Variants in LDLRAD3 observed in about 807,000 individuals in gnomAD.
The protein encoded by LDLRAD3 is low-density lipoprotein receptor class A domain-containing protein 3.
A neutral mutation model predicts 29.4 loss-of-function variants in LDLRAD3; 20 were observed. The ratio of observed to expected loss-of-function variants is 0.68; its 90% confidence interval spans 0.48 to 0.99. LDLRAD3 has a LOEUF of 0.99. Ranked by LOEUF, LDLRAD3 falls within the 50% of genes least tolerant of loss-of-function variation. LDLRAD3 has a pLI of 0.00. For synonymous variants in LDLRAD3, 157 were observed against 192.7 expected (o/e 0.81, Z 1.53); for missense variants, 420 against 454.3 (o/e 0.92, Z 0.69).
chr11:36,007,422 A>G (rs1195647977), intron 1 of LDLRAD3, among the ~76,000 whole-genome samples: 1 of 152,172 alleles, frequency 6.6e-6, no homozygotes, highest in Non-Finnish European at 1.5e-5. Context: ...TAAGTAAATT[A>G]GAACCTGCTT....
Position 36,229,180 on chromosome 11 carries a change from C to T in LDLRAD3, c.821C>T (p.Pro274Leu), listed in dbSNP as rs969660023. 5 of 1,613,986 alleles carry T rather than the reference C, an allele frequency of 3.1e-6. No individual in the cohort carries two copies. The African/African-American group carries it at 5.3e-5, about 17-fold the overall frequency. ...CACAGGCCTGCGTGGTATGACCTTC[C>T]TCCACCGCCCTACTCTTCTGACACG... ...LDQRPAWYDLPPPPYSSDTES... is the reference protein window; with the variant it reads ...LDQRPAWYDLLPPPYSSDTES... The change falls in exon 6 of 6, where the codon CCT becomes CTT. Residue 274 changes from proline to leucine, a missense_variant. Transcript: ENST00000315571.
At chr11:36,156,152 A>C (rs1376379091) in intron 4 of LDLRAD3, among the ~76,000 whole-genome samples, 2 of 152,200 alleles carry the variant, frequency 1.3e-5, no homozygotes, top group Non-Finnish European at 2.9e-5. Context: ...AGAAGAACGT[A>C]CTGAGTGGAA....
chr11:36,202,044 C>CTTT (rs11336380), intron 4 of LDLRAD3, among the ~76,000 whole-genome samples: 22 of 136,586 alleles, frequency 1.6e-4, no homozygotes, highest in Admixed American at 6.0e-4. Flanking sequence ...CTGGGGACAT[C>CTTT]TTTTTTTTTT....
At chr11:36,096,169 C>G (rs1376587841) in intron 3 of LDLRAD3, among the ~76,000 whole-genome samples, 1 of 152,208 alleles carries the variant, frequency 6.6e-6, no homozygotes, top group East Asian at 1.9e-4. Context: ...ACCTCTCTGA[C>G]CTTTCAAATC....
chr11:35,996,938 G>A (rs1565150861), intron 1 of LDLRAD3, among the ~76,000 whole-genome samples: 1 of 152,132 alleles, frequency 6.6e-6, no homozygotes, highest in Admixed American at 6.5e-5. Flanking sequence ...GCAGCTTTGG[G>A]AATGGGTTAA....
intron 4 of LDLRAD3, among the ~76,000 whole-genome samples, chr11:36,130,761 A>G (rs540743460): frequency 1.4e-4 from 22 of 152,260 alleles, no homozygotes; most frequent in South Asian, 2.1e-4. Context: ...AGCTATTATC[A>G]TCATCCCCAC....
chr11:36,043,914 C>T (rs1162019709), intron 2 of LDLRAD3, among the ~76,000 whole-genome samples: 3 of 152,180 alleles, frequency 2.0e-5, no homozygotes, highest in Non-Finnish European at 4.4e-5. Context: ...TGCTCTTTCA[C>T]AGCGCTTACG....
rs79081479 is a variant in LDLRAD3 at position 35,998,996 on chromosome 11, A to G, written c.47-37107A>G. 1.1e-3 allele frequency among the ~76,000 whole-genome samples: 172 copies of G among 152,134 alleles called. 1 individual carries two copies. In the East Asian group the frequency reaches 0.019, roughly 17 times the overall value. Reference sequence around the variant, plus strand: ...TTCAGGACACATTTAATGAGGGCCAACTCTATACCTGACACTGTGTAAAGC... The same window carrying G: ...TTCAGGACACATTTAATGAGGGCCAGCTCTATACCTGACACTGTGTAAAGC... On this transcript the variant is annotated intron_variant, in intron 1 of 5. Coordinates refer to ENST00000315571, the MANE Select transcript of LDLRAD3 (RefSeq NM_174902.4).
chr11:36,094,991 G>A (rs753991147), intron 3 of LDLRAD3, among the ~76,000 whole-genome samples: 7 of 151,872 alleles, frequency 4.6e-5, no homozygotes, highest in East Asian at 1.9e-4. Context: ...TTGAGACCAC[G>A]CTGAGCTTCA....
intron 1 of LDLRAD3, among the ~76,000 whole-genome samples, chr11:36,014,687 G>C (rs969263567): frequency 3.9e-5 from 6 of 152,146 alleles, no homozygotes; most frequent in Admixed American, 3.3e-4. Context: ...CTTTTTGAAA[G>C]AATTATTACG....
At chr11:35,973,105 C>G (rs1373641060) in intron 1 of LDLRAD3, among the ~76,000 whole-genome samples, 1 of 150,258 alleles carries the variant, frequency 6.7e-6, no homozygotes, top group African/African-American at 2.4e-5. Context: ...TCCTTTTGAC[C>G]TGACCCCAGC....
At chr11:36,169,183 G>A (rs949808928) in intron 4 of LDLRAD3, among the ~76,000 whole-genome samples, 6 of 152,150 alleles carry the variant, frequency 3.9e-5, no homozygotes, top group African/African-American at 1.4e-4. Flanking sequence ...AATGATTGTA[G>A]TGTTTATGGG....
At chr11:36,086,892 A>G (rs1853204360) in intron 3 of LDLRAD3, among the ~76,000 whole-genome samples, 1 of 152,186 alleles carries the variant, frequency 6.6e-6, no homozygotes, top group South Asian at 2.1e-4. Flanking sequence ...GAACTTCTAT[A>G]AGCCAGTTTC....
intron 2 of LDLRAD3, among the ~76,000 whole-genome samples, chr11:36,077,576 T>G (rs1446066086): frequency 6.6e-6 from 1 of 152,134 alleles, no homozygotes. Flanking sequence ...CCAGCTGTGG[T>G]GGGGCAGGCA....
intron 4 of LDLRAD3, among the ~76,000 whole-genome samples, chr11:36,133,547 C>CTTTTTTTTTTT (rs67935336): frequency 3.3e-5 from 4 of 119,898 alleles, no homozygotes; most frequent in African/African-American, 6.4e-5. Context: ...TTTTTCTTTT[C>CTTTTTTTTTTT]TTTTTTTTTT....
Position 36,015,902 on chromosome 11 carries a change from G to A in LDLRAD3, c.47-20201G>A, listed in dbSNP as rs114120097. 8.8e-3 allele frequency among the ~76,000 whole-genome samples: 1,347 copies of A among 152,226 alleles called. 23 individuals are homozygous for A. The highest frequency in any genetic ancestry group is 0.029 in the African/African-American group (1,207 of 41,528). ...AGACTCCAGCACTCTTGTTCCAGGC[G>A]CCCTTGAATGAGCTCGTCTGTTTTC... On this transcript the variant is annotated intron_variant, in intron 1 of 5. Transcript: ENST00000315571.
At chr11:36,082,138 A>G (rs1304417993) in intron 3 of LDLRAD3, among the ~76,000 whole-genome samples, 3 of 152,246 alleles carry the variant, frequency 2.0e-5, no homozygotes, top group African/African-American at 7.2e-5. Flanking sequence ...TTCTAGGTTC[A>G]TTCAGACCCT....
chr11:36,041,967 G>A (rs1024883808), intron 2 of LDLRAD3, among the ~76,000 whole-genome samples: 2 of 152,094 alleles, frequency 1.3e-5, no homozygotes, highest in Admixed American at 1.3e-4. Context: ...AGAAAAGTAG[G>A]TGCAAAAATG....
At chr11:36,083,449 A>C (rs1343285360) in intron 3 of LDLRAD3, among the ~76,000 whole-genome samples, 1 of 152,186 alleles carries the variant, frequency 6.6e-6, no homozygotes, top group African/African-American at 2.4e-5. Context: ...AGAATGAGAC[A>C]CTATTCATAT....
Sources: allele counts gnomAD v4.1 joint callset (sites outside exome capture counted in the v4.1 genomes callset), GRCh38; gene constraint gnomAD v4.1.1; transcripts MANE v1.5; gene names NCBI Gene and HGNC (gene_info 2026-07-23, HGNC 2026-07-21).